The following TRPV4 variants were observed in gnomAD, a reference collection of about 807,000 sequenced individuals.
TRPV4 encodes the protein transient receptor potential cation channel subfamily V member 4.
A neutral mutation model predicts 84.1 loss-of-function variants in TRPV4; 58 were observed. The observed-to-expected ratio is 0.69, with a 90% CI of 0.56 to 0.86. The LOEUF (loss-of-function observed/expected upper bound fraction) is 0.86, where lower values mean the gene tolerates loss of function less well. TRPV4 is among the 40% of genes least tolerant of loss of function. The probability of loss-of-function intolerance (pLI) is 0.00; values close to 1 mark genes in which losing one functional copy is unlikely to be tolerated. For missense variants in TRPV4, 879 were observed against 1,181.1 expected (o/e 0.74, Z 3.75); for synonymous variants, 489 against 500.9 (o/e 0.98, Z 0.32).
Position 109,783,303 on chromosome 12 carries a change from C to G in TRPV4, c.*318G>C, listed in dbSNP as rs189860067. 155 of 298,210 alleles carry G rather than the reference C, an allele frequency of 5.2e-4. No individual in the cohort carries two copies. Among genetic ancestry groups the G allele is most frequent in the African/African-American group, 2.7e-3 (125 of 46,292 alleles). The allele number at this position is 298,210 out of a possible 1,614,324, so 18.5% of individuals were successfully genotyped here. ...TCCTAAGGCCTCTGCCAGGTTCCAG[C>G]TGGGGCAGGGGTCACGTCGCTTCCT... On this transcript the variant is annotated 3_prime_UTR_variant, in exon 16 of 16. Transcript: ENST00000261740. The surrounding 1 kb of genome is among the most constrained non-coding windows in gnomAD (Gnocchi z 4.6).
chr12:109,812,182 A>G (rs1343973130), intron 2 of TRPV4, among the ~76,000 whole-genome samples: 2 of 152,210 alleles, frequency 1.3e-5, no homozygotes, highest in Non-Finnish European at 2.9e-5. Flanking sequence ...CACAAACCAC[A>G]TGCAGATGCC....
chr12:109,789,229 G>A (rs1346231458), intron 12 of TRPV4, among the ~76,000 whole-genome samples: 1 of 152,120 alleles, frequency 6.6e-6, no homozygotes, highest in African/African-American at 2.4e-5. Context: ...TGTTACAACT[G>A]GGGGTGGGGG....
intron 11 of TRPV4, 41 bp from the exon 12 acceptor site, chr12:109,792,470 C>T (rs1454061553): frequency 6.2e-7 from 1 of 1,606,416 alleles, no homozygotes. Context: ...AGAGGAGACA[C>T]ATGGTTTCTC....
In TRPV4 at chr12:109,808,298, C is replaced by T. The variant is rs397514494; in HGVS notation, c.557G>A (p.Arg186Gln). 3 of 1,614,058 alleles carry T rather than the reference C, an allele frequency of 1.9e-6. No individual in the cohort carries two copies. The highest frequency in any genetic ancestry group is 2.5e-6 in the Non-Finnish European group (3 of 1,180,002). Residue 186 changes from arginine to glutamine, a missense_variant and splice_region_variant, in exon 3 of 16, where the codon CGA becomes CAA. Around this residue, in one of 4 missense-constraint regions of TRPV4, gnomAD observed 521 missense variants for 686.6 expected, o/e 0.76. Coordinates refer to ENST00000261740, the MANE Select transcript of TRPV4 (RefSeq NM_021625.5). ...HKKRLTDEEF[R>Q]EPSTGKTCLP... ...CTATGCCCATCTGGGTGGCTCACCT[C>T]GAAACTCCTCATCAGTTAGGCGTTT...
intron 1 of TRPV4, among the ~76,000 whole-genome samples, chr12:109,831,286 C>T (rs780221917): frequency 2.8e-4 from 43 of 152,208 alleles, no homozygotes; most frequent in Admixed American, 2.4e-3. Context: ...CTTTAAGGTG[C>T]GGCTTAAACA....
At position 109,793,522 on chromosome 12, in the gene TRPV4, C is replaced by T. The variant is rs756714651; in HGVS notation, c.1658+5G>A. ...GAAGCTGCCGGCCCAGGGACCTCTA[C>T]TCACTAGAGCAGCTGGAAGGAGCCA... On this transcript the variant is annotated splice_donor_5th_base_variant and intron_variant, in intron 10 of 15. Transcript: ENST00000261740. This position sits in a 1 kb window ranked among gnomAD's most constrained non-coding sequence, Gnocchi z 4.0. 2.5e-6 allele frequency: 4 copies of T among 1,613,508 alleles called. No individual in the cohort carries two copies. Among genetic ancestry groups the T allele is most frequent in the Non-Finnish European group, 3.4e-6 (4 of 1,179,548 alleles).
At chr12:109,822,576 A>G (rs1892137225) in intron 1 of TRPV4, among the ~76,000 whole-genome samples, 1 of 152,204 alleles carries the variant, frequency 6.6e-6, no homozygotes, top group African/African-American at 2.4e-5. Flanking sequence ...AGGGGGAGGC[A>G]GGATTAGAAC....
Position 109,796,430 on chromosome 12 carries a change from T to A in TRPV4, c.1332+95A>T. On this transcript the variant is annotated intron_variant, in intron 7 of 15. Transcript: ENST00000261740. The surrounding 1 kb of genome is among the most constrained non-coding windows in gnomAD (Gnocchi z 4.2). Reference sequence around the variant, plus strand: ...ACCCACCACGTTGGGTCCTAGAGGCTGGGGCTGTCTCCCCCAGCCCAGCCC... The same window carrying A: ...ACCCACCACGTTGGGTCCTAGAGGCAGGGGCTGTCTCCCCCAGCCCAGCCC... 6.8e-7 allele frequency: 1 copy of A among 1,468,436 alleles called. No individual in the cohort carries two copies. Among genetic ancestry groups the A allele is most frequent in the Admixed American group, 1.8e-5 (1 of 54,126 alleles). The allele number at this position is 1,468,436 out of a possible 1,614,324, so 91.0% of individuals were successfully genotyped here.
chr12:109,788,651 T>C lies in TRPV4; in HGVS notation c.1957A>G (p.Thr653Ala), dbSNP rs769927678. 2 of 1,614,192 alleles carry C rather than the reference T, an allele frequency of 1.2e-6. No homozygotes were observed. Among genetic ancestry groups the C allele is most frequent in the East Asian group, 2.2e-5 (1 of 44,880 alleles). ...KVCNEDQTNC[T>A]VPTYPSCRDS... ...CGGCACGAGGGGTAAGTGGGCACTG[T>C]GCAGTTGGTCTGGTCCTCATTGCAC... is the stretch of plus-strand genomic sequence containing the variant. The change falls in exon 13 of 16, where the codon ACA becomes GCA. Residue 653 changes from threonine (T) to alanine (A), a missense_variant. Physicochemically the swap from Thr to Ala is moderately conservative, Grantham distance 58. This residue lies in a region of TRPV4 where 242 missense variants were observed against 355.3 expected (regional missense o/e 0.68). Transcript: ENST00000261740.
intron 13 of TRPV4, among the ~76,000 whole-genome samples, chr12:109,787,137 AC>A (rs1471497423): frequency 6.6e-6 from 1 of 152,142 alleles, no homozygotes; most frequent in African/African-American, 2.4e-5. Context: ...GCAAATGCCC[AC>A]GTGTAAGGGG....
At chr12:109,820,513 C>CTTTTTTTTTTTTTTTTTTTTT (rs1245573219) in intron 1 of TRPV4, among the ~76,000 whole-genome samples, 1 of 106,728 alleles carries the variant, frequency 9.4e-6, no homozygotes. Context: ...CTTCAGCTGC[C>CTTTTTTTTTTTTTTTTTTTTT]CTATTTTTTT....
At position 109,793,668 on chromosome 12, in the gene TRPV4, CAG is replaced by C; in HGVS notation, c.1585-70_1585-69del. On this transcript the variant is annotated intron_variant, in intron 9 of 15. Coordinates refer to ENST00000261740, the MANE Select transcript of TRPV4 (RefSeq NM_021625.5). This position sits in a 1 kb window ranked among gnomAD's most constrained non-coding sequence, Gnocchi z 4.0. The stretch of plus-strand genomic sequence containing the variant: ...GGAGAGGAGAGGAGGAGAGAGGAGA[CAG>C]AGAAAGGGATAGAAGAGAGGGAGGC... 2 of 1,314,670 alleles carry C rather than the reference CAG, an allele frequency of 1.5e-6. No individual in the cohort carries two copies. Among genetic ancestry groups the C allele is most frequent in the South Asian group, 1.2e-5 (1 of 84,560 alleles). 81.4% of individuals were successfully genotyped at this position (1,314,670 alleles called of 1,614,324 possible).
Position 109,796,426 on chromosome 12 carries a change from A to C in TRPV4, c.1332+99T>G. 1 of 1,424,286 alleles carries C rather than the reference A, an allele frequency of 7.0e-7. No individual in the cohort carries two copies. The highest frequency in any genetic ancestry group is 9.7e-7 in the Non-Finnish European group (1 of 1,027,722). 88.2% of individuals were successfully genotyped at this position (1,424,286 alleles called of 1,614,324 possible). The stretch of plus-strand genomic sequence containing the variant: ...ACAGACCCACCACGTTGGGTCCTAG[A>C]GGCTGGGGCTGTCTCCCCCAGCCCA... On this transcript the variant is annotated intron_variant, in intron 7 of 15. Transcript: ENST00000261740. The surrounding 1 kb of genome is among the most constrained non-coding windows in gnomAD (Gnocchi z 4.2).
At chr12:109,817,956 A>G (rs191891085) in intron 1 of TRPV4, among the ~76,000 whole-genome samples, 1 of 152,248 alleles carries the variant, frequency 6.6e-6, no homozygotes, top group Admixed American at 6.5e-5. Flanking sequence ...CACAATGTCA[A>G]TAGCGTCGAG....
chr12:109,824,512 T>C (rs575004176), intron 1 of TRPV4, among the ~76,000 whole-genome samples: 1 of 151,972 alleles, frequency 6.6e-6, no homozygotes, highest in South Asian at 2.1e-4. Flanking sequence ...TCCCAGCACT[T>C]TGGGAGACCG....
chr12:109,811,396 G>A (rs1891505509), intron 2 of TRPV4, among the ~76,000 whole-genome samples: 2 of 152,206 alleles, frequency 1.3e-5, no homozygotes, highest in Non-Finnish European at 2.9e-5. Context: ...GGTGGCTCAC[G>A]CCTGTAATCC....
intron 7 of TRPV4, among the ~76,000 whole-genome samples, chr12:109,795,733 G>A (rs1463203569): frequency 6.6e-6 from 1 of 151,638 alleles, no homozygotes; most frequent in African/African-American, 2.4e-5. Flanking sequence ...AAAAAAGCTT[G>A]GTTTTTTGTT....
intron 1 of TRPV4, among the ~76,000 whole-genome samples, chr12:109,816,208 G>A (rs1565884936): frequency 6.6e-6 from 1 of 152,208 alleles, no homozygotes; most frequent in Non-Finnish European, 1.5e-5. Context: ...TCCCTTAGTG[G>A]GCGCAGCAGG....
chr12:109,826,991 C>A (rs1892268294), intron 1 of TRPV4, among the ~76,000 whole-genome samples: 1 of 151,738 alleles, frequency 6.6e-6, no homozygotes, highest in African/African-American at 2.4e-5. Flanking sequence ...CAGGTCCTGG[C>A]ACATAGCAGC....
Sources: gnomAD v4.1 joint callset for allele counts (sites outside exome capture counted in the v4.1 genomes callset) on GRCh38, gnomAD v4.1.1 for gene constraint, gnomAD v4.1.1 regional missense constraint, Gnocchi (gnomAD v3.1) non-coding constraint, MANE v1.5 for transcripts, NCBI Gene and HGNC (gene_info 2026-07-23, HGNC 2026-07-21) for gene names.